The following EFHB variants were observed in gnomAD, a reference collection of about 807,000 sequenced individuals.
EFHB encodes EF-hand domain family member B.
In EFHB, 91 loss-of-function variants were observed where a neutral mutation model predicts 87.2. The observed-to-expected ratio is 1.04, with a 90% confidence interval of 0.88 to 1.24. The LOEUF (loss-of-function observed/expected upper bound fraction) is 1.24, where lower values mean the gene tolerates loss of function less well. EFHB is among the 50% of genes most tolerant of loss of function. EFHB has a pLI of 0.00. For missense variants in EFHB, 1,084 were observed against 998.8 expected (o/e 1.09, Z -1.15); for synonymous variants, 325 against 333.6 (o/e 0.97, Z 0.28).
chr3:19,915,946 C>T (rs1575029251), intron 4 of EFHB, among the ~76,000 whole-genome samples: 1 of 152,162 alleles, frequency 6.6e-6, no homozygotes, highest in South Asian at 2.1e-4. Flanking sequence ...CCACTGTACT[C>T]CAGCCTGGGC....
intron 3 of EFHB, 103 bp from the exon 4 acceptor site, chr3:19,918,515 G>A: frequency 9.2e-7 from 1 of 1,089,028 alleles, no homozygotes; most frequent in Non-Finnish European, 1.3e-6. Flanking sequence ...TACGATTGTG[G>A]GAAAACATTT....
chr3:19,939,370 CTTTTTTTTTT>C (rs147510880), intron 1 of EFHB, among the ~76,000 whole-genome samples: 166 of 64,592 alleles, frequency 2.6e-3, no homozygotes, highest in African/African-American at 8.8e-3. Flanking sequence ...GTTGGGTCTC[CTTTTTTTTTT>C]TTTTTTTTTT....
In EFHB at chr3:19,908,598, GAGAAAGAAAGAAAGAA is replaced by G. The variant is rs767343345; in HGVS notation, c.1289-2865_1289-2850del. ...AGAGAGAGAGAGAGAGAGAGAGAGA[GAGAAAGAAAGAAAGAA>G]AGAAAGAAAGAAAGAAAGAAAGAAA... On this transcript the variant is annotated intron_variant, in intron 5 of 12. Coordinates refer to ENST00000295824, the MANE Select transcript of EFHB (RefSeq NM_144715.4). Among the ~76,000 whole-genome samples the G allele has an allele frequency of 2.4e-3, 188 of 77,760 alleles. 3 individuals are homozygous for G. Among genetic ancestry groups the G allele is most frequent in the African/African-American group, 5.1e-3 (102 of 19,920 alleles). 51.0% of individuals were successfully genotyped at this position (77,760 alleles called of 152,430 possible).
chr3:19,908,614 A>AAGAC (rs1694944047), intron 5 of EFHB, among the ~76,000 whole-genome samples: 2 of 128,704 alleles, frequency 1.6e-5, no homozygotes, highest in Non-Finnish European at 3.2e-5. Context: ...GAAAGAAAGA[A>AAGAC]AGAAAGAAAG....
At chr3:19,914,413 C>T (rs1695157936) in intron 5 of EFHB, among the ~76,000 whole-genome samples, 1 of 152,158 alleles carries the variant, frequency 6.6e-6, no homozygotes, top group Non-Finnish European at 1.5e-5. Flanking sequence ...CTTTACTTAG[C>T]ATCAACATAC....
At chr3:19,879,851 C>T in intron 12 of EFHB, 47 bp from the exon 13 acceptor site, 1 of 1,492,444 alleles carries the variant, frequency 6.7e-7, no homozygotes, top group Non-Finnish European at 8.9e-7. Flanking sequence ...TGTTTTAAAA[C>T]TTGTAATGAA....
At chr3:19,888,409 A>T in intron 10 of EFHB, 35 bp downstream of exon 10, 1 of 1,200,664 alleles carries the variant, frequency 8.3e-7, no homozygotes, top group Non-Finnish European at 1.1e-6. Context: ...AATTTAAAAA[A>T]ATAATAATTC....
intron 1 of EFHB, 103 bp from the exon 2 acceptor site, chr3:19,920,670 G>A (rs770826033): frequency 1.2e-6 from 1 of 864,284 alleles, no homozygotes; most frequent in Non-Finnish European, 1.8e-6. Flanking sequence ...AGGCTACAAA[G>A]TTACTTTTGA....
At chr3:19,939,399 T>C (rs1482941774) in intron 1 of EFHB, among the ~76,000 whole-genome samples, 1 of 108,502 alleles carries the variant, frequency 9.2e-6, no homozygotes, top group Non-Finnish European at 2.2e-5. Context: ...TTTTTTTTTT[T>C]TGGGATGGAG....
At chr3:19,943,236 C>A (rs984394062) in intron 1 of EFHB, 1 of 262,656 alleles carries the variant, frequency 3.8e-6, no homozygotes, top group Non-Finnish European at 8.0e-6. Context: ...TGGCAATTAC[C>A]TCTATTTTTA....
chr3:19,934,426 T>C (rs1695958270), upstream of EFHB, among the ~76,000 whole-genome samples: 1 of 85,522 alleles, frequency 1.2e-5, no homozygotes. Flanking sequence ...CCCTCTCCTC[T>C]CCTTTGCCCT....
intron 4 of EFHB, 71 bp downstream of exon 4, chr3:19,918,161 T>A: frequency 7.5e-7 from 1 of 1,334,248 alleles, no homozygotes; most frequent in Non-Finnish European, 1.0e-6. Context: ...ACAAATAAGA[T>A]ATTTAATCAA....
intron 5 of EFHB, among the ~76,000 whole-genome samples, chr3:19,909,813 G>A (rs1694994635): frequency 6.6e-6 from 1 of 152,140 alleles, no homozygotes; most frequent in African/African-American, 2.4e-5. Flanking sequence ...GTTTGCAGAT[G>A]ACGTTTCTAG....
intron 4 of EFHB, among the ~76,000 whole-genome samples, chr3:19,917,709 T>G (rs1305640519): frequency 2.0e-5 from 3 of 152,184 alleles, no homozygotes. Context: ...ATGATGGTAC[T>G]CTACTCCCTC....
At chr3:19,896,955 C>T (rs936067452) in intron 8 of EFHB, 114 bp from the exon 9 acceptor site, 16 of 912,180 alleles carry the variant, frequency 1.8e-5, no homozygotes, top group Non-Finnish European at 2.6e-5. Flanking sequence ...AAACATCTAA[C>T]TCTGACATGA....
intron 1 of EFHB, among the ~76,000 whole-genome samples, chr3:19,924,182 T>C (rs1161688617): frequency 6.6e-6 from 1 of 152,108 alleles, no homozygotes; most frequent in African/African-American, 2.4e-5. Context: ...AATTGCATTA[T>C]ACTGCAAGGA....
chr3:19,915,718 G>C (rs1439956317), intron 4 of EFHB, among the ~76,000 whole-genome samples: 1 of 150,568 alleles, frequency 6.6e-6, no homozygotes, highest in Non-Finnish European at 1.5e-5. Flanking sequence ...TCAGGAGTTC[G>C]AGATCAGCCT....
In EFHB at chr3:19,933,895, G is replaced by A; in HGVS notation, c.124C>T (p.Arg42Ter). ...IRVGLGKEDS[R>*]CGESPVVSNK... ...CTAACCACAGGGCTCTCCCCGCATCGGGAATCTTCTTTTCCTAATCCTACT... is the reference window on the plus strand; with the variant it reads ...CTAACCACAGGGCTCTCCCCGCATCAGGAATCTTCTTTTCCTAATCCTACT... The change falls in exon 1 of 13, where the codon CGA (arginine) becomes TGA (stop). Residue 42 changes from arginine (R) to a stop codon, truncating the protein, a stop_gained. Transcript: ENST00000295824. LOFTEE classifies it high-confidence loss of function. 6.2e-7 allele frequency: 1 copy of A among 1,613,756 alleles called. No individual in the cohort carries two copies. The highest frequency in any genetic ancestry group is 8.5e-7 in the Non-Finnish European group (1 of 1,179,822).
chr3:19,914,780 T>C (rs1376913459), intron 5 of EFHB, among the ~76,000 whole-genome samples: 1 of 152,166 alleles, frequency 6.6e-6, no homozygotes, highest in African/African-American at 2.4e-5. Context: ...ATTCTTAATA[T>C]AAAATTAAGC....
Sources: allele counts gnomAD v4.1 joint callset (sites outside exome capture counted in the v4.1 genomes callset), GRCh38; gene constraint gnomAD v4.1.1; transcripts MANE v1.5; gene names NCBI Gene and HGNC (gene_info 2026-07-23, HGNC 2026-07-21).